The following DDO variants were observed in gnomAD, a reference collection of about 807,000 sequenced individuals.
The protein encoded by DDO is D-aspartate oxidase, DDO.
A neutral mutation model predicts 16.8 loss-of-function variants in DDO; 16 were observed. The ratio of observed to expected loss-of-function variants is 0.95; its 90% CI spans 0.65 to 1.45. The LOEUF (loss-of-function observed/expected upper bound fraction) is 1.45, where lower values mean the gene tolerates loss of function less well. Among genes scored for constraint, DDO ranks in the 40% most tolerant of loss-of-function variants. The probability of loss-of-function intolerance (pLI) is 0.00; values close to 1 mark genes in which losing one functional copy is unlikely to be tolerated. For synonymous variants in DDO, 180 were observed against 167.2 expected (o/e 1.08, Z -0.59); for missense variants, 429 against 420.3 (o/e 1.02, Z -0.18).
intron 2 of DDO, among the ~76,000 whole-genome samples, chr6:110,410,912 C>T (rs528545138): frequency 3.9e-5 from 6 of 152,080 alleles, no homozygotes; most frequent in Non-Finnish European, 8.8e-5. Flanking sequence ...ATGCCAAGGT[C>T]GCTGCTATTA....
downstream of DDO, among the ~76,000 whole-genome samples, chr6:110,389,777 T>C (rs2092738): frequency 0.077 from 11,706 of 152,258 alleles, 1,452 homozygotes; most frequent in African/African-American, 0.26. Flanking sequence ...TTGTGTGAAT[T>C]GTTACAGAAG....
chr6:110,415,142 G>C (rs1286850665), intron 1 of DDO, among the ~76,000 whole-genome samples: 1 of 152,258 alleles, frequency 6.6e-6, no homozygotes, highest in South Asian at 2.1e-4. Flanking sequence ...AGAAGGGAAC[G>C]GGCCCAGGCC....
chr6:110,392,766 T>G lies in DDO; in HGVS notation c.*9A>C, dbSNP rs1219896988. ...GTCTCTCAGTCTCTTTGCTGTCATT[T>G]TATGTCATCTACAGGTTTGACTTGG... On this transcript the variant is annotated 3_prime_UTR_variant, in exon 5 of 5. Coordinates refer to ENST00000368924, the MANE Select transcript of DDO (RefSeq NM_001372108.2). The G allele has an allele frequency of 6.5e-7, 1 of 1,526,726 alleles. No homozygotes were observed. The highest frequency in any genetic ancestry group is 8.8e-7 in the Non-Finnish European group (1 of 1,137,838). The allele number at this position is 1,526,726 out of a possible 1,614,324, so 94.6% of individuals were successfully genotyped here. A position where few individuals can be genotyped will look rare whatever the true frequency, so the allele number is the denominator to read the frequency against.
chr6:110,402,727 A>C (rs1037356932), intron 4 of DDO, among the ~76,000 whole-genome samples: 3 of 152,128 alleles, frequency 2.0e-5, no homozygotes, highest in Non-Finnish European at 4.4e-5. Flanking sequence ...ATGAAGCAAA[A>C]TGTTAGGAAT....
intron 3 of DDO, among the ~76,000 whole-genome samples, chr6:110,406,161 G>T (rs967961242): frequency 6.6e-6 from 1 of 152,076 alleles, no homozygotes; most frequent in African/African-American, 2.4e-5. Flanking sequence ...CCAGTCCTGA[G>T]CACTTAGAAG....
chr6:110,404,787 A>G lies in DDO; in HGVS notation c.445T>C (p.Trp149Arg). The stretch of plus-strand genomic sequence containing the variant: ...ATTTCAACTGACCTTTTCTCCAACC[A>G]CGGGAGGTAGGCAGGGCATTCACAT... Reference protein sequence around the residue: ...LKCECPAYLPWLEKRIKGSGG... With the variant: ...LKCECPAYLPRLEKRIKGSGG... The change falls in exon 4 of 5, where the codon TGG (tryptophan) becomes CGG (arginine). Residue 149 changes from tryptophan to arginine, a missense_variant. By Grantham distance (101) the Trp-to-Arg change is moderately radical. Coordinates refer to ENST00000368924, the MANE Select transcript of DDO (RefSeq NM_001372108.2). 1 of 1,614,102 alleles carries G rather than the reference A, an allele frequency of 6.2e-7. No individual in the cohort carries two copies. Among genetic ancestry groups the G allele is most frequent in the South Asian group, 1.1e-5 (1 of 91,056 alleles).
chr6:110,396,940 T>C (rs1324052713), intron 4 of DDO, among the ~76,000 whole-genome samples: 1 of 152,226 alleles, frequency 6.6e-6, no homozygotes, highest in Non-Finnish European at 1.5e-5. Flanking sequence ...TGGAGTTTTG[T>C]AGTAATACTG....
downstream of DDO, among the ~76,000 whole-genome samples, chr6:110,390,368 G>T (rs1480328912): frequency 6.6e-6 from 1 of 152,184 alleles, no homozygotes; most frequent in Admixed American, 6.5e-5. Flanking sequence ...CATCAACATT[G>T]TTTAAAAACT....
chr6:110,410,647 CCAT>C (rs1217033100), intron 2 of DDO, among the ~76,000 whole-genome samples: 1 of 152,170 alleles, frequency 6.6e-6, no homozygotes, highest in Non-Finnish European at 1.5e-5. Flanking sequence ...CCTTATAAAA[CCAT>C]CAGATCTCCT....
intron 4 of DDO, among the ~76,000 whole-genome samples, chr6:110,402,878 C>G (rs761027513): frequency 6.6e-6 from 1 of 152,090 alleles, no homozygotes; most frequent in Non-Finnish European, 1.5e-5. Context: ...GAACAACACT[C>G]TTAGGTTCTC....
chr6:110,413,285 T>C lies in DDO; in HGVS notation c.172+6A>G. The stretch of plus-strand genomic sequence containing the variant: ...TGTATCTGATAGAGGAGCTGAAATC[T>C]CTCACCTGGATAAGTGTGAGGAATA... On this transcript the variant is annotated splice_donor_region_variant and intron_variant, in intron 2 of 4. Transcript: ENST00000368924. 1 of 1,613,688 alleles carries C rather than the reference T, an allele frequency of 6.2e-7. No individual in the cohort carries two copies. The highest frequency in any genetic ancestry group is 8.5e-7 in the Non-Finnish European group (1 of 1,179,688).
intron 1 of DDO, 80 bp downstream of exon 1, chr6:110,415,387 C>T: frequency 6.3e-7 from 1 of 1,580,990 alleles, no homozygotes; most frequent in South Asian, 1.2e-5. Context: ...TCACTGTCCC[C>T]TGACCCTATT....
At chr6:110,398,410 ACACACACACAC>A (rs1562260006) in intron 4 of DDO, among the ~76,000 whole-genome samples, 2 of 149,504 alleles carry the variant, frequency 1.3e-5, no homozygotes, top group African/African-American at 5.0e-5. Flanking sequence ...ACACACACAC[ACACACACACAC>A]ACACACTTGG....
rs1340355410 is a variant in DDO, at chr6:110,413,307, A to G, written c.156T>C (p.Ile52=). ...TTSDVAAGML[I]PHTYPDTPIH... is the part of the protein sequence containing the mutation. ...ATCTCTCACCTGGATAAGTGTGAGG[A>G]ATAAGCATTCCGGCTGCCACATCAC... Residue 52 remains isoleucine, a synonymous_variant, in exon 2 of 5, where the codon ATT becomes ATC. Transcript: ENST00000368924. 2 of 1,614,174 alleles carry G rather than the reference A, an allele frequency of 1.2e-6. No individual in the cohort carries two copies. Among genetic ancestry groups the G allele is most frequent in the South Asian group, 2.2e-5 (2 of 91,084 alleles).
At chr6:110,400,259 C>T (rs952032923) in intron 4 of DDO, among the ~76,000 whole-genome samples, 2 of 151,796 alleles carry the variant, frequency 1.3e-5, no homozygotes, top group African/African-American at 2.4e-5. Context: ...ACATTTGATT[C>T]GGTGTGGAAA....
intron 2 of DDO, among the ~76,000 whole-genome samples, chr6:110,410,714 T>C (rs1773826439): frequency 6.6e-6 from 1 of 152,120 alleles, no homozygotes; most frequent in Non-Finnish European, 1.5e-5. Context: ...GTCTCCATGA[T>C]TCAACTACCT....
intron 4 of DDO, 22 bp from the exon 5 acceptor site, chr6:110,393,364 G>A (rs746136685): frequency 6.3e-5 from 97 of 1,547,534 alleles, no homozygotes; most frequent in Non-Finnish European, 8.2e-5. Context: ...AGGCCATGAA[G>A]TGAATATTTG....
At chr6:110,400,899 G>A (rs1773465792) in intron 4 of DDO, among the ~76,000 whole-genome samples, 1 of 152,226 alleles carries the variant, frequency 6.6e-6, no homozygotes, top group African/African-American at 2.4e-5. Flanking sequence ...GAGGCAGTGA[G>A]TGTGTGGGGC....
In DDO at chr6:110,392,739, C is replaced by T; in HGVS notation, c.*36G>A. ...TGAACCTGTTCTGTGCTTTGATCAA[C>T]AGTCTCTCAGTCTCTTTGCTGTCAT... On this transcript the variant is annotated 3_prime_UTR_variant, in exon 5 of 5. Transcript: ENST00000368924. 6.7e-7 allele frequency: 1 copy of T among 1,503,444 alleles called. No homozygotes were observed. The highest frequency in any genetic ancestry group is 8.9e-7 in the Non-Finnish European group (1 of 1,129,240). The allele number at this position is 1,503,444 out of a possible 1,614,324, so 93.1% of individuals were successfully genotyped here. A position where few individuals can be genotyped will look rare whatever the true frequency, so the allele number is the denominator to read the frequency against.
Sources: gnomAD v4.1 joint callset for allele counts (sites outside exome capture counted in the v4.1 genomes callset) on GRCh38, gnomAD v4.1.1 for gene constraint, MANE v1.5 for transcripts, NCBI Gene and HGNC (gene_info 2026-07-23, HGNC 2026-07-21) for gene names.